Variants in DCC observed in about 807,000 individuals in gnomAD.
DCC encodes DCC netrin 1 receptor.
DCC carries 58 observed loss-of-function variants against 172.5 expected under a neutral mutation model. The ratio of observed to expected loss-of-function variants is 0.34; its 90% CI spans 0.27 to 0.42. The LOEUF is 0.42. DCC is among the 10% of genes least tolerant of loss of function. DCC has a pLI of 1.00. For synonymous variants in DCC, 709 were observed against 644.5 expected (o/e 1.10, Z -1.52); for missense variants, 1,740 against 1,791.0 (o/e 0.97, Z 0.51).
intron 15 of DCC, among the ~76,000 whole-genome samples, chr18:53,348,936 G>A (rs929315839): frequency 6.6e-6 from 1 of 152,186 alleles, no homozygotes; most frequent in Non-Finnish European, 1.5e-5. Flanking sequence ...ACCAGCCCTG[G>A]AGACATTTTC....
intron 1 of DCC, among the ~76,000 whole-genome samples, chr18:52,538,882 T>A (rs997991335): frequency 2.0e-5 from 3 of 152,234 alleles, no homozygotes; most frequent in African/African-American, 4.8e-5. Context: ...AGAATTTGAA[T>A]ACAGTGTATG....
At chr18:52,779,161 C>A (rs1015971874) in intron 2 of DCC, among the ~76,000 whole-genome samples, 1 of 151,480 alleles carries the variant, frequency 6.6e-6, no homozygotes, top group Non-Finnish European at 1.5e-5. Context: ...ATCCATAAAT[C>A]TTTTTTTTTA....
At chr18:52,359,091 T>C (rs961064676) in intron 1 of DCC, among the ~76,000 whole-genome samples, 8 of 152,186 alleles carry the variant, frequency 5.3e-5, no homozygotes, top group African/African-American at 1.9e-4. Context: ...GATGTTGCAT[T>C]TCCTATTCCC....
At chr18:52,873,863 C>G (rs1014495575) in intron 2 of DCC, among the ~76,000 whole-genome samples, 1 of 152,166 alleles carries the variant, frequency 6.6e-6, no homozygotes, top group Non-Finnish European at 1.5e-5. Context: ...GATTGTCCCT[C>G]AGTTCAAAAT....
intron 1 of DCC, among the ~76,000 whole-genome samples, chr18:52,537,439 T>C (rs2032318457): frequency 6.6e-6 from 1 of 152,196 alleles, no homozygotes; most frequent in South Asian, 2.1e-4. Flanking sequence ...TTCCATTCAA[T>C]GTTGGAAAGT....
At chr18:53,354,615 T>C (rs1270445649) in intron 15 of DCC, among the ~76,000 whole-genome samples, 1 of 152,132 alleles carries the variant, frequency 6.6e-6, no homozygotes, top group Middle Eastern at 3.2e-3. Context: ...GGCTTCTTTG[T>C]TTTTTTCTTG....
At chr18:53,267,131 CACAT>C (rs755867929) in intron 12 of DCC, among the ~76,000 whole-genome samples, 1 of 150,688 alleles carries the variant, frequency 6.6e-6, no homozygotes, top group African/African-American at 2.5e-5. Flanking sequence ...CACACACACA[CACAT>C]ATATATATAT....
chr18:52,893,267 A>C (rs1325413498), intron 2 of DCC, among the ~76,000 whole-genome samples: 1 of 152,108 alleles, frequency 6.6e-6, no homozygotes, highest in African/African-American at 2.4e-5. Flanking sequence ...AGTCCTATGA[A>C]ACAAATGTAG....
chr18:52,890,895 A>C (rs1487932054), intron 2 of DCC, among the ~76,000 whole-genome samples: 1 of 152,110 alleles, frequency 6.6e-6, no homozygotes, highest in Non-Finnish European at 1.5e-5. Flanking sequence ...GGCAAAATTT[A>C]ACATAAATTC....
intron 12 of DCC, among the ~76,000 whole-genome samples, chr18:53,234,431 T>G (rs943478804): frequency 6.6e-6 from 1 of 150,610 alleles, no homozygotes; most frequent in Non-Finnish European, 1.5e-5. Flanking sequence ...CTGTCTCAAA[T>G]TAAAAAAATA....
chr18:53,368,382 G>T (rs1474394703), intron 15 of DCC, among the ~76,000 whole-genome samples: 1 of 151,854 alleles, frequency 6.6e-6, no homozygotes, highest in Non-Finnish European at 1.5e-5. Context: ...CTATAGTATG[G>T]GTTATCTTTT....
intron 1 of DCC, among the ~76,000 whole-genome samples, chr18:52,654,411 T>C (rs1319049104): frequency 6.6e-6 from 1 of 152,168 alleles, no homozygotes; most frequent in Non-Finnish European, 1.5e-5. Flanking sequence ...AGGGCTGCTA[T>C]AACAATACCA....
Position 52,754,459 on chromosome 18 carries a change from C to T in DCC, c.412+2085C>T, listed in dbSNP as rs79261748. 3.0e-3 allele frequency among the ~76,000 whole-genome samples: 449 copies of T among 152,184 alleles called. 2 individuals carry two copies. Among genetic ancestry groups the T allele is most frequent in the African/African-American group, 0.01 (432 of 41,530 alleles). On this transcript the variant is annotated intron_variant, in intron 2 of 28. Transcript: ENST00000442544. ...GAGCCCTCATGAATGTGATTAGTGC[C>T]GTTATAAAAGTAACCACAGAACACC...
intron 2 of DCC, among the ~76,000 whole-genome samples, chr18:52,771,969 C>A (rs888288013): frequency 5.9e-5 from 9 of 151,680 alleles, no homozygotes; most frequent in African/African-American, 1.9e-4. Context: ...CTAATATATA[C>A]CAAAGTTTTA....
At chr18:52,911,606 A>G (rs2039971369) in intron 3 of DCC, among the ~76,000 whole-genome samples, 2 of 151,958 alleles carry the variant, frequency 1.3e-5, no homozygotes, top group Non-Finnish European at 2.9e-5. Flanking sequence ...AACTTTGTTG[A>G]TGATTGGGCA....
chr18:53,440,734 T>C (rs986630842), intron 22 of DCC, among the ~76,000 whole-genome samples: 1 of 152,226 alleles, frequency 6.6e-6, no homozygotes, highest in Non-Finnish European at 1.5e-5. Context: ...TCCTAGGTTC[T>C]AGTTCAGTGA....
At chr18:53,284,755 G>A (rs990956059) in intron 12 of DCC, among the ~76,000 whole-genome samples, 7 of 152,082 alleles carry the variant, frequency 4.6e-5, no homozygotes, top group Admixed American at 6.6e-5. Flanking sequence ...AGGAAAATGC[G>A]GGAAAATTTG....
chr18:53,456,283 G>A (rs988988650), intron 23 of DCC, among the ~76,000 whole-genome samples: 2 of 152,134 alleles, frequency 1.3e-5, no homozygotes, highest in African/African-American at 4.8e-5. Flanking sequence ...ACAAAAAATA[G>A]AGCACCAGCA....
At chr18:52,417,735 G>A (rs891181445) in intron 1 of DCC, among the ~76,000 whole-genome samples, 2 of 152,074 alleles carry the variant, frequency 1.3e-5, no homozygotes, top group African/African-American at 4.8e-5. Flanking sequence ...GCTCCTTTAA[G>A]CACTTCTCTG....
Sources: gnomAD v4.1 joint callset for allele counts (sites outside exome capture counted in the v4.1 genomes callset) on GRCh38, gnomAD v4.1.1 for gene constraint, MANE v1.5 for transcripts, NCBI Gene and HGNC (gene_info 2026-07-23, HGNC 2026-07-21) for gene names.